Variants in IMPA1 observed in about 807,000 individuals in gnomAD.
IMPA1 encodes the protein inositol monophosphatase 1.
IMPA1 carries 21 observed loss-of-function variants against 34.9 expected under a neutral mutation model. That is an observed-to-expected ratio of 0.60 (90% CI 0.43 to 0.87). The LOEUF (loss-of-function observed/expected upper bound fraction) is 0.87, where lower values mean the gene tolerates loss of function less well. Among genes scored for constraint, IMPA1 ranks in the 40% least tolerant of loss-of-function variants. IMPA1 has a pLI of 0.00. For synonymous variants in IMPA1, 95 were observed against 104.4 expected, an observed-to-expected ratio of 0.91 and a Z score of 0.55; for missense variants, 299 against 336.4, an observed-to-expected ratio of 0.89 and a Z score of 0.87.
At chr8:81,675,895 A>T (rs968752446) in intron 5 of IMPA1, among the ~76,000 whole-genome samples, 11 of 152,322 alleles carry the variant, frequency 7.2e-5, no homozygotes, top group Middle Eastern at 6.8e-3. Flanking sequence ...AAGCATTCCC[A>T]GCTCAAATCT....
intron 3 of IMPA1, 101 bp downstream of exon 3, chr8:81,680,549 A>C: frequency 1.2e-6 from 1 of 840,686 alleles, no homozygotes. Flanking sequence ...AACTTCATGG[A>C]AGACCTTGGC....
At chr8:81,681,418 C>G (rs927544723) in intron 2 of IMPA1, 80 bp downstream of exon 2, 4 of 830,560 alleles carry the variant, frequency 4.8e-6, no homozygotes, top group Non-Finnish European at 8.0e-6. Context: ...CAAATCGAAA[C>G]AAACAAAACA....
chr8:81,679,131 T>C lies in IMPA1; in HGVS notation c.297A>G (p.Val99=), dbSNP rs962240818. Residue 99 remains valine (V), a synonymous_variant, in exon 4 of 9, where the codon GTA becomes GTG. Transcript: ENST00000256108. ...TTAGACATTTTAAAACATACCTATGTACAAAGTTAGTTGTTCCATCAATAG... is the reference window on the plus strand; with the variant it reads ...TTAGACATTTTAAAACATACCTATGCACAAAGTTAGTTGTTCCATCAATAG... ...IDPIDGTTNF[V]HRFPFVAVSI... is the part of the protein sequence containing the mutation. 15 of 1,598,852 alleles carry C rather than the reference T, an allele frequency of 9.4e-6. No homozygotes were observed. Among genetic ancestry groups the C allele is most frequent in the Admixed American group, 5.0e-5 (3 of 59,988 alleles).
chr8:81,668,523 G>GT (rs1170118105), intron 7 of IMPA1, among the ~76,000 whole-genome samples: 1 of 152,180 alleles, frequency 6.6e-6, no homozygotes, highest in Non-Finnish European at 1.5e-5. Context: ...AGCCCAGGAG[G>GT]TTGAGGCTGC....
chr8:81,686,288 G>C lies in IMPA1; in HGVS notation c.-61C>G. The C allele has an allele frequency of 1.0e-6, 1 of 991,782 alleles. No homozygotes were observed. Among genetic ancestry groups the C allele is most frequent in the Non-Finnish European group, 1.2e-6 (1 of 833,798 alleles). 61.4% of individuals were successfully genotyped at this position (991,782 alleles called of 1,614,324 possible). A position where few individuals can be genotyped will look rare whatever the true frequency, so the allele number is the denominator to read the frequency against. On this transcript the variant is annotated 5_prime_UTR_variant, in exon 1 of 9. Coordinates refer to ENST00000256108, the MANE Select transcript of IMPA1 (RefSeq NM_005536.4). ...GGACGTCCGGCTAGCTCTGTGAACGGTGTTACCGCACTCGTCTCTTCCGGA... is the reference window on the plus strand; with the variant it reads ...GGACGTCCGGCTAGCTCTGTGAACGCTGTTACCGCACTCGTCTCTTCCGGA...
At chr8:81,685,264 G>GATACTATATATAGTATATATACTATAT (rs1807473537) in intron 1 of IMPA1, among the ~76,000 whole-genome samples, 3 of 97,838 alleles carry the variant, frequency 3.1e-5, no homozygotes, top group African/African-American at 1.4e-4. Context: ...CATAAGTATA[G>GATACTATATATAGTATATATACTATAT]ATACTATATA....
At chr8:81,664,171 T>C (rs1806754940) in intron 7 of IMPA1, among the ~76,000 whole-genome samples, 1 of 152,218 alleles carries the variant, frequency 6.6e-6, no homozygotes, top group Non-Finnish European at 1.5e-5. Flanking sequence ...AATTTCTTCA[T>C]TTATTAAACT....
intron 8 of IMPA1, among the ~76,000 whole-genome samples, chr8:81,659,798 T>C (rs767121835): frequency 6.6e-6 from 1 of 152,202 alleles, no homozygotes; most frequent in Non-Finnish European, 1.5e-5. Context: ...CCTTCCCATT[T>C]CCTTATTTCT....
chr8:81,679,781 G>T (rs747456636), intron 3 of IMPA1, among the ~76,000 whole-genome samples: 4 of 152,056 alleles, frequency 2.6e-5, no homozygotes, highest in Non-Finnish European at 5.9e-5. Context: ...GTTATACTAG[G>T]GTAAGGTGTG....
intron 7 of IMPA1, among the ~76,000 whole-genome samples, chr8:81,661,511 T>C (rs532226222): frequency 2.0e-5 from 3 of 152,286 alleles, no homozygotes; most frequent in South Asian, 4.1e-4. Context: ...AATATAATCA[T>C]GAGGAAACCA....
intron 2 of IMPA1, 36 bp from the exon 3 acceptor site, chr8:81,680,819 A>G: frequency 6.8e-7 from 1 of 1,478,070 alleles, no homozygotes; most frequent in Non-Finnish European, 9.3e-7. Context: ...TAGAAAAGGC[A>G]TAATTTTAAA....
At chr8:81,674,264 A>G in intron 5 of IMPA1, 1 of 221,774 alleles carries the variant, frequency 4.5e-6, no homozygotes, top group Non-Finnish European at 8.9e-6. Flanking sequence ...CTACCCTCAC[A>G]TACATTCTCT....
chr8:81,657,582 AAAAAAC>A lies in IMPA1; in HGVS notation c.*1763_*1768del, dbSNP rs1806554322. 1.3e-5 allele frequency among the ~76,000 whole-genome samples: 2 copies of A among 152,132 alleles called. No homozygotes were observed. Among genetic ancestry groups the A allele is most frequent in the South Asian group, 4.1e-4 (2 of 4,826 alleles). ...AGCAGAAGAGCAAGACACTGTCTTC[AAAAAAC>A]AAAAACAAAACAAAGCCTCTAAAAG... is the stretch of plus-strand genomic sequence containing the variant. On this transcript the variant is annotated 3_prime_UTR_variant, in exon 9 of 9. Transcript: ENST00000256108.
At chr8:81,664,019 C>A (rs1368323519) in intron 7 of IMPA1, among the ~76,000 whole-genome samples, 1 of 151,866 alleles carries the variant, frequency 6.6e-6, no homozygotes, top group Non-Finnish European at 1.5e-5. Context: ...AGCCTGGCGA[C>A]AGAGACTCCG....
chr8:81,683,388 G>A (rs746866447), intron 1 of IMPA1, among the ~76,000 whole-genome samples: 2 of 152,198 alleles, frequency 1.3e-5, no homozygotes, highest in Non-Finnish European at 2.9e-5. Context: ...ATGATTGGCT[G>A]AAACCTGGGA....
chr8:81,676,149 C>T, intron 5 of IMPA1, 85 bp downstream of exon 5: 1 of 546,648 alleles, frequency 1.8e-6, no homozygotes, highest in South Asian at 4.2e-5. Flanking sequence ...ACAGACAAAC[C>T]TGAATTTATT....
At chr8:81,685,376 C>CTA (rs1383329465) in intron 1 of IMPA1, among the ~76,000 whole-genome samples, 2 of 136,156 alleles carry the variant, frequency 1.5e-5, no homozygotes, top group Non-Finnish European at 3.0e-5. Flanking sequence ...TATTTATGTA[C>CTA]TATATATAAG....
intron 7 of IMPA1, among the ~76,000 whole-genome samples, chr8:81,664,102 C>A (rs1806753335): frequency 6.6e-6 from 1 of 152,082 alleles, no homozygotes; most frequent in Admixed American, 6.5e-5. Flanking sequence ...TTAAGGACCT[C>A]AAACCTTTAG....
At chr8:81,682,962 T>C (rs1198897888) in intron 1 of IMPA1, among the ~76,000 whole-genome samples, 1 of 152,090 alleles carries the variant, frequency 6.6e-6, no homozygotes, top group Non-Finnish European at 1.5e-5. Context: ...AACTAAAGAC[T>C]ACATGCAAAA....
Sources: allele counts gnomAD v4.1 joint callset (sites outside exome capture counted in the v4.1 genomes callset), GRCh38; gene constraint gnomAD v4.1.1; transcripts MANE v1.5; gene names NCBI Gene and HGNC (gene_info 2026-07-23, HGNC 2026-07-21).